ADGRB3: variants seen among roughly 807,000 people sequenced by gnomAD.
ADGRB3 encodes the protein brain-specific angiogenesis inhibitor 3.
ADGRB3 carries 37 observed loss-of-function variants against 193.4 expected under a neutral mutation model. The ratio of observed to expected loss-of-function variants is 0.19; its 90% confidence interval spans 0.15 to 0.25. ADGRB3 has a LOEUF of 0.25. Among genes scored for constraint, ADGRB3 ranks in the 10% least tolerant of loss-of-function variants. ADGRB3 has a pLI of 1.00. For missense variants in ADGRB3, 1,637 were observed against 1,852.9 expected (o/e 0.88, Z 2.14); for synonymous variants, 690 against 644.2 (o/e 1.07, Z -1.08).
intron 17 of ADGRB3, among the ~76,000 whole-genome samples, chr6:69,160,951 C>A (rs1410905522): frequency 6.6e-6 from 1 of 152,160 alleles, no homozygotes; most frequent in East Asian, 1.9e-4. Flanking sequence ...CCCATTAGCT[C>A]AATATGCCAA....
At chr6:69,132,662 G>A (rs961487501) in intron 17 of ADGRB3, among the ~76,000 whole-genome samples, 2 of 152,074 alleles carry the variant, frequency 1.3e-5, no homozygotes, top group African/African-American at 4.8e-5. Flanking sequence ...GGCTTTTGTT[G>A]CCATTGCTTT....
chr6:68,939,783 G>T (rs562222050), intron 5 of ADGRB3, among the ~76,000 whole-genome samples: 1 of 152,134 alleles, frequency 6.6e-6, no homozygotes, highest in African/African-American at 2.4e-5. Flanking sequence ...TTAAACAATA[G>T]AAATGTCTTC....
intron 17 of ADGRB3, among the ~76,000 whole-genome samples, chr6:69,132,262 A>G (rs576019817): frequency 3.2e-4 from 49 of 151,998 alleles, no homozygotes; most frequent in Non-Finnish European, 6.5e-4. Context: ...AAGCGTTCCT[A>G]TTTCCACATC....
chr6:69,019,999 G>A (rs1770216579), intron 13 of ADGRB3, among the ~76,000 whole-genome samples: 1 of 152,008 alleles, frequency 6.6e-6, no homozygotes, highest in Admixed American at 6.6e-5. Flanking sequence ...AAGGCACGTG[G>A]AAGGAATCTA....
At chr6:68,671,798 T>A (rs1021085430) in intron 3 of ADGRB3, among the ~76,000 whole-genome samples, 2 of 152,056 alleles carry the variant, frequency 1.3e-5, no homozygotes, top group African/African-American at 4.8e-5. Context: ...TTTGAAAGTA[T>A]TTCCTCCTCC....
At chr6:69,172,643 C>CAAAAAAAAAAAAAA (rs70987454) in intron 17 of ADGRB3, among the ~76,000 whole-genome samples, 163 of 26,802 alleles carry the variant, frequency 6.1e-3, no homozygotes, top group East Asian at 0.011. Context: ...GACTCTGTCT[C>CAAAAAAAAAAAAAA]AAAAAAAAAA....
chr6:68,868,629 A>G (rs1251746422), intron 3 of ADGRB3, among the ~76,000 whole-genome samples: 4 of 152,130 alleles, frequency 2.6e-5, no homozygotes, highest in Non-Finnish European at 5.9e-5. Flanking sequence ...CAAAATACCT[A>G]TTTTGAAGGG....
intron 6 of ADGRB3, 43 bp from the exon 7 acceptor site, chr6:68,955,981 A>T (rs758049490): frequency 6.3e-7 from 1 of 1,595,174 alleles, no homozygotes; most frequent in Admixed American, 1.7e-5. Context: ...AGCTTGTCCT[A>T]TTGGAAGATA....
At chr6:69,330,035 G>A (rs886087744) in intron 22 of ADGRB3, among the ~76,000 whole-genome samples, 1 of 152,068 alleles carries the variant, frequency 6.6e-6, no homozygotes, top group Admixed American at 6.5e-5. Flanking sequence ...TGCAATGATG[G>A]CTTTTAAACC....
At chr6:68,779,686 G>T (rs904690509) in intron 3 of ADGRB3, among the ~76,000 whole-genome samples, 6 of 147,936 alleles carry the variant, frequency 4.1e-5, no homozygotes, top group African/African-American at 1.6e-4. Context: ...TAAACATTAG[G>T]TGTTATTTTT....
chr6:68,716,014 C>G (rs185742181), intron 3 of ADGRB3, among the ~76,000 whole-genome samples: 158 of 151,678 alleles, frequency 1.0e-3, no homozygotes, highest in Non-Finnish European at 1.8e-3. Context: ...AAATATTTGA[C>G]TTACATTGTC....
intron 15 of ADGRB3, among the ~76,000 whole-genome samples, chr6:69,052,756 G>A (rs1771436503): frequency 6.6e-6 from 1 of 152,050 alleles, no homozygotes; most frequent in Non-Finnish European, 1.5e-5. Flanking sequence ...CTATTCAATT[G>A]TCTTCCCTTT....
intron 16 of ADGRB3, among the ~76,000 whole-genome samples, chr6:69,065,760 T>C (rs2343397): frequency 0.039 from 4,576 of 118,068 alleles, 140 homozygotes; most frequent in East Asian, 0.13. Context: ...TTCATGTATA[T>C]ATATACACAC....
intron 17 of ADGRB3, among the ~76,000 whole-genome samples, chr6:69,121,789 C>T (rs1459082244): frequency 3.5e-5 from 5 of 144,190 alleles, no homozygotes; most frequent in Admixed American, 1.4e-4. Flanking sequence ...GGGTGGCGGC[C>T]GGGCAGAGGC....
At chr6:68,884,345 CTG>C (rs1765839946) in intron 3 of ADGRB3, among the ~76,000 whole-genome samples, 1 of 152,024 alleles carries the variant, frequency 6.6e-6, no homozygotes, top group Non-Finnish European at 1.5e-5. Flanking sequence ...TAAATAGAAA[CTG>C]TGATAAGCGC....
At chr6:69,055,586 C>T (rs142620713) in intron 15 of ADGRB3, among the ~76,000 whole-genome samples, 1 of 152,212 alleles carries the variant, frequency 6.6e-6, no homozygotes, top group African/African-American at 2.4e-5. Context: ...GTCAATTACA[C>T]ATGATGAACA....
intron 17 of ADGRB3, among the ~76,000 whole-genome samples, chr6:69,099,151 A>G (rs1772964236): frequency 6.6e-6 from 1 of 152,220 alleles, no homozygotes; most frequent in Non-Finnish European, 1.5e-5. Context: ...GACATTTAGT[A>G]GGTAGAAGTC....
chr6:69,311,465 A>C (rs1235856851), intron 20 of ADGRB3, among the ~76,000 whole-genome samples: 4 of 151,886 alleles, frequency 2.6e-5, no homozygotes, highest in Admixed American at 2.6e-4. Context: ...AGAGGCTTCA[A>C]TGCTTCTTAG....
intron 11 of ADGRB3, among the ~76,000 whole-genome samples, chr6:68,997,312 T>C (rs1365192108): frequency 6.6e-6 from 1 of 151,902 alleles, no homozygotes; most frequent in East Asian, 1.9e-4. Flanking sequence ...ATGAAGACCT[T>C]GAAAACTTTT....
Sources: gnomAD v4.1 joint callset for allele counts (sites outside exome capture counted in the v4.1 genomes callset) on GRCh38, gnomAD v4.1.1 for gene constraint, MANE v1.5 for transcripts, NCBI Gene and HGNC (gene_info 2026-07-23, HGNC 2026-07-21) for gene names.